SH2B2: variants seen among roughly 807,000 people sequenced by gnomAD.
The protein encoded by SH2B2 is SH2B adapter protein 2.
In SH2B2, 37 loss-of-function variants were observed where a neutral mutation model predicts 35.7. The observed-to-expected ratio is 1.04, with a 90% CI of 0.80 to 1.36. The LOEUF (loss-of-function observed/expected upper bound fraction) is 1.36. Ranked by LOEUF, SH2B2 falls within the 40% of genes most tolerant of loss-of-function variation. The probability of loss-of-function intolerance (pLI) is 0.00; values close to 1 mark genes in which losing one functional copy is unlikely to be tolerated. For synonymous variants in SH2B2, 383 were observed against 376.4 expected, an observed-to-expected ratio of 1.02 and a Z score of -0.20; for missense variants, 852 against 817.7, an observed-to-expected ratio of 1.04 and a Z score of -0.51.
At chr7:102,293,825 A>G (rs568286265) in intron 1 of SH2B2, among the ~76,000 whole-genome samples, 1 of 152,252 alleles carries the variant, frequency 6.6e-6, no homozygotes, top group East Asian at 1.9e-4. Context: ...GGAGGCACCA[A>G]GAGACACAGG....
At chr7:102,298,749 G>C (rs1793018120) in intron 1 of SH2B2, among the ~76,000 whole-genome samples, 1 of 151,886 alleles carries the variant, frequency 6.6e-6, no homozygotes, top group Non-Finnish European at 1.5e-5. Context: ...TGTATTTTTT[G>C]TAAAGACAGG....
At chr7:102,306,923 G>C (rs1221468813) in intron 3 of SH2B2, 101 bp downstream of exon 3, 1 of 929,862 alleles carries the variant, frequency 1.1e-6, no homozygotes, top group Non-Finnish European at 1.7e-6. Flanking sequence ...AGGAGCCTAA[G>C]GCAGGACAGT....
chr7:102,317,061 A>G, intron 6 of SH2B2, 126 bp from the exon 7 acceptor site: 3 of 802,246 alleles, frequency 3.7e-6, no homozygotes, highest in Non-Finnish European at 3.8e-6. Flanking sequence ...CAACTTTTTA[A>G]ACATTATTCC....
chr7:102,308,988 C>T, intron 4 of SH2B2, 82 bp downstream of exon 4: 1 of 1,090,884 alleles, frequency 9.2e-7, no homozygotes, highest in Non-Finnish European at 1.4e-6. Flanking sequence ...AGCTTCCTAG[C>T]AGGGCGGGAG....
intron 4 of SH2B2, 174 bp downstream of exon 4, chr7:102,309,080 C>T: frequency 1.4e-6 from 1 of 702,638 alleles, no homozygotes; most frequent in South Asian, 1.5e-5. Flanking sequence ...CCCCCTACCT[C>T]CAATCGCCAG....
intron 2 of SH2B2, among the ~76,000 whole-genome samples, chr7:102,305,709 T>C (rs1044280325): frequency 1.3e-5 from 2 of 152,132 alleles, no homozygotes; most frequent in African/African-American, 2.4e-5. Flanking sequence ...CAGTGTTAAA[T>C]GTATTTCTCA....
rs781908952 is a variant in SH2B2, at chr7:102,317,302, G to A, written c.1302G>A (p.Gly434=). Residue 434 remains glycine, a synonymous_variant, in exon 7 of 9, where the codon GGG becomes GGA. Transcript: ENST00000444095. ...RVKAAQLVLA[G]GPRNHGLFVI... is the part of the protein sequence containing the mutation. ...AGGCTGCTCAACTGGTTCTGGCAGG[G>A]GGGCCCCGGAACCACGGCCTCTTCG... The A allele has an allele frequency of 2.5e-6, 4 of 1,613,460 alleles. No homozygotes were observed. The African/African-American group carries it at 4.0e-5, about 16-fold the overall frequency.
chr7:102,306,955 G>C, intron 3 of SH2B2, 133 bp downstream of exon 3: 2 of 707,320 alleles, frequency 2.8e-6, no homozygotes, highest in South Asian at 1.7e-5. Context: ...GCCCTGGTGT[G>C]GGGGGTTCCC....
intron 6 of SH2B2, chr7:102,316,986 C>A: frequency 2.0e-6 from 1 of 505,778 alleles, no homozygotes; most frequent in African/African-American, 1.9e-5. Flanking sequence ...TGCAGCATTG[C>A]ACTCCAGCCT....
In SH2B2 at chr7:102,320,440, A is replaced by G; in HGVS notation, c.1505A>G (p.Glu502Gly). ...RHFHTHPIPL[E>G]SGGSADITLR... ...TTCCACACACACCCCATCCCACTGG[A>G]GTCAGGGGGCTCGGCCGACATCACC... The change falls in exon 8 of 9, where the codon GAG (glutamate) becomes GGG (glycine). Residue 502 changes from glutamate to glycine, a missense_variant. By Grantham distance (98) the Glu-to-Gly change is moderately conservative. Around this residue, in one of 3 missense-constraint regions of SH2B2, gnomAD observed 556 missense variants for 514.5 expected, o/e 1.08. Coordinates refer to ENST00000444095, the MANE Select transcript of SH2B2 (RefSeq NM_001359228.2). The G allele has an allele frequency of 3.1e-6, 5 of 1,613,646 alleles. No homozygotes were observed. Among genetic ancestry groups the G allele is most frequent in the Non-Finnish European group, 4.2e-6 (5 of 1,179,814 alleles).
chr7:102,306,498 A>G (rs2132983343), intron 2 of SH2B2, among the ~76,000 whole-genome samples: 1 of 152,342 alleles, frequency 6.6e-6, no homozygotes, highest in East Asian at 1.9e-4. Flanking sequence ...TGCTAGGATT[A>G]CAGGCATGAG....
intron 1 of SH2B2, chr7:102,292,994 G>C (rs1037439122): frequency 4.6e-5 from 7 of 152,784 alleles, no homozygotes; most frequent in Non-Finnish European, 1.0e-4. Flanking sequence ...GGCTGGGATG[G>C]TGCTGGGGAG....
At chr7:102,301,334 C>CAGCAGCTG (rs1793183819) in intron 2 of SH2B2, 55 bp downstream of exon 2, 1 of 1,535,334 alleles carries the variant, frequency 6.5e-7, no homozygotes, top group Non-Finnish European at 8.8e-7. Flanking sequence ...GGCACCTGGG[C>CAGCAGCTG]AGCAGCTGAG....
intron 4 of SH2B2, among the ~76,000 whole-genome samples, chr7:102,313,130 TAAAAAAAAAAA>T (rs1206179173): frequency 1.1e-5 from 1 of 94,898 alleles, no homozygotes; most frequent in Admixed American, 1.2e-4. Context: ...AAACTCTGTC[TAAAAAAAAAAA>T]AAAAAAAAAA....
At position 102,292,176 on chromosome 7, in the gene SH2B2, G is replaced by A. The variant is rs149449621; in HGVS notation, c.-30+5082G>A. Among the ~76,000 whole-genome samples, 4 of 152,230 alleles carry A rather than the reference G, an allele frequency of 2.6e-5. No homozygotes were observed. In the East Asian group the frequency reaches 7.7e-4, roughly 29 times the overall value. ...GTCAGGCAAGGAGGTACCCCAAGAA[G>A]AGGCTGCATGAGACCAGCCTGGGCA... On this transcript the variant is annotated intron_variant, in intron 1 of 8. Coordinates refer to ENST00000444095, the MANE Select transcript of SH2B2 (RefSeq NM_001359228.2).
intron 1 of SH2B2, among the ~76,000 whole-genome samples, chr7:102,296,566 G>T (rs2132931483): frequency 6.6e-6 from 1 of 152,314 alleles, no homozygotes; most frequent in Middle Eastern, 3.4e-3. Flanking sequence ...AGAGGCAATG[G>T]CAAGGCCCCC....
intron 2 of SH2B2, 31 bp downstream of exon 2, chr7:102,301,310 G>A (rs782026871): frequency 8.9e-6 from 14 of 1,581,400 alleles, no homozygotes; most frequent in Non-Finnish European, 1.1e-5. Context: ...ACCTAGCCTG[G>A]GGGGACCAGA....
chr7:102,307,837 C>G (rs112741823), intron 3 of SH2B2, among the ~76,000 whole-genome samples: 3,046 of 151,748 alleles, frequency 0.02, 115 homozygotes, highest in African/African-American at 0.071. Context: ...ATGGCGCGAT[C>G]TCGGCTCACT....
chr7:102,317,213 G>A lies in SH2B2; in HGVS notation c.1213G>A (p.Glu405Lys), dbSNP rs782777792. 22 of 1,608,336 alleles carry A rather than the reference G, an allele frequency of 1.4e-5. No homozygotes were observed. The highest frequency in any genetic ancestry group is 5.6e-5 in the South Asian group (5 of 89,896). Residue 405 changes from glutamate to lysine, a missense_variant, in exon 7 of 9, where the codon GAG (glutamate) becomes AAG (lysine). Glu to Lys is a moderately conservative substitution (Grantham distance 56, BLOSUM62 1). Around this residue, in one of 3 missense-constraint regions of SH2B2, gnomAD observed 556 missense variants for 514.5 expected, o/e 1.08. Transcript: ENST00000444095. ...TGEQGAETDP[E>K]AEPELELSDY... is the part of the protein sequence containing the mutation. ...GGAACAGGGTGCAGAGACGGATCCC[G>A]AGGCTGAACCCGAGCTGGAGCTATC...
Sources: gnomAD v4.1 joint callset for allele counts (sites outside exome capture counted in the v4.1 genomes callset) on GRCh38, gnomAD v4.1.1 for gene constraint, gnomAD v4.1.1 regional missense constraint, MANE v1.5 for transcripts, NCBI Gene and HGNC (gene_info 2026-07-23, HGNC 2026-07-21) for gene names.